DLG1: variants seen among roughly 807,000 people sequenced by gnomAD.
DLG1 encodes discs large MAGUK scaffold protein 1, also known as disks large homolog 1.
Under a neutral mutation model 123.4 loss-of-function variants are expected in DLG1, and 42 were observed. The ratio of observed to expected loss-of-function variants is 0.34; its 90% CI spans 0.27 to 0.44. The LOEUF (loss-of-function observed/expected upper bound fraction) is 0.44, where lower values mean the gene tolerates loss of function less well. Ranked by LOEUF, DLG1 falls within the 20% of genes least tolerant of loss-of-function variation. The probability of loss-of-function intolerance (pLI) is 1.00; values close to 1 mark genes in which losing one functional copy is unlikely to be tolerated. For synonymous variants in DLG1, 317 were observed against 356.2 expected (o/e 0.89, Z 1.24); for missense variants, 942 against 1,082.6 (o/e 0.87, Z 1.82).
chr3:197,205,478 A>G (rs1205865233), intron 4 of DLG1, among the ~76,000 whole-genome samples: 1 of 152,214 alleles, frequency 6.6e-6, no homozygotes, highest in Admixed American at 6.5e-5. Flanking sequence ...CAGAATAGGT[A>G]AATATCAAAA....
chr3:197,296,561 A>G, intron 2 of DLG1, 84 bp from the exon 3 acceptor site: 6 of 1,286,944 alleles, frequency 4.7e-6, no homozygotes, highest in South Asian at 1.3e-5. Context: ...TCTGCATGAC[A>G]TCTAAATAGT....
At chr3:197,131,643 G>C (rs1325642977) in intron 10 of DLG1, among the ~76,000 whole-genome samples, 1 of 131,862 alleles carries the variant, frequency 7.6e-6, no homozygotes, top group South Asian at 2.4e-4. Flanking sequence ...GCCCAGGCTG[G>C]AGTGCAGTGG....
At position 197,065,446 on chromosome 3, in the gene DLG1, T is replaced by A; in HGVS notation, c.2203A>T (p.Thr735Ser). The A allele has an allele frequency of 1.3e-6, 2 of 1,581,216 alleles. No homozygotes were observed. The highest frequency in any genetic ancestry group is 1.4e-5 in the African/African-American group (1 of 72,868). The change falls in exon 22 of 25, where the codon ACA becomes TCA. Residue 735 changes from threonine (T) to serine (S), a missense_variant and splice_region_variant. By Grantham distance (58) the Thr-to-Ser change is moderately conservative (BLOSUM62 1). Coordinates refer to ENST00000667157, the MANE Select transcript of DLG1 (RefSeq NM_001366207.1). ...TCATAATCTCGTTTTGGTCTAGTTG[T>A]ATCTTTAACAGAAAAAAACTTGGGA... ...PDKFGSCVPH[T>S]TRPKRDYEVD...
intron 4 of DLG1, among the ~76,000 whole-genome samples, chr3:197,227,795 A>G (rs1740763303): frequency 6.6e-6 from 1 of 152,206 alleles, no homozygotes; most frequent in Non-Finnish European, 1.5e-5. Flanking sequence ...ACTAGGTTAC[A>G]TTTCTAAAAC....
intron 5 of DLG1, among the ~76,000 whole-genome samples, chr3:197,168,314 G>A (rs1053676871): frequency 4.6e-5 from 7 of 152,172 alleles, no homozygotes; most frequent in South Asian, 2.1e-4. Flanking sequence ...AGTCAACGAC[G>A]CATCAACACA....
chr3:197,285,400 T>G, intron 3 of DLG1, among the ~76,000 whole-genome samples: 1 of 151,828 alleles, frequency 6.6e-6, no homozygotes, highest in Non-Finnish European at 1.5e-5. Flanking sequence ...TGTAATAATT[T>G]AACATAATAC....
At chr3:197,215,278 T>C (rs543447390) in intron 4 of DLG1, among the ~76,000 whole-genome samples, 27 of 152,270 alleles carry the variant, frequency 1.8e-4, no homozygotes, top group African/African-American at 6.3e-4. Context: ...AAGGACATTA[T>C]ATATCATGGG....
intron 13 of DLG1, among the ~76,000 whole-genome samples, chr3:197,112,207 G>T (rs1321466106): frequency 1.3e-5 from 2 of 152,118 alleles, no homozygotes; most frequent in African/African-American, 2.4e-5. Flanking sequence ...ACGACTTCAA[G>T]AATACCTATT....
intron 4 of DLG1, among the ~76,000 whole-genome samples, chr3:197,263,386 A>G (rs1342817164): frequency 6.6e-6 from 1 of 152,154 alleles, no homozygotes; most frequent in Non-Finnish European, 1.5e-5. Flanking sequence ...CCTCTTTTGT[A>G]AAATAAAAAA....
intron 22 of DLG1, among the ~76,000 whole-genome samples, chr3:197,061,901 C>T (rs1020119002): frequency 9.2e-5 from 14 of 152,124 alleles, no homozygotes; most frequent in Admixed American, 2.6e-4. Flanking sequence ...TGGGGGAGGA[C>T]ACTTTGAGAC....
At chr3:197,060,701 C>T (rs758355742) in intron 22 of DLG1, among the ~76,000 whole-genome samples, 1 of 152,188 alleles carries the variant, frequency 6.6e-6, no homozygotes, top group Non-Finnish European at 1.5e-5. Flanking sequence ...AACTCACTGA[C>T]AAAGGATACT....
At chr3:197,268,196 G>C (rs1256949626) in intron 4 of DLG1, among the ~76,000 whole-genome samples, 1 of 152,118 alleles carries the variant, frequency 6.6e-6, no homozygotes, top group Admixed American at 6.5e-5. Flanking sequence ...GAGCAATCAA[G>C]ATTATTTAAA....
At chr3:197,155,813 T>C (rs77581347) in intron 5 of DLG1, among the ~76,000 whole-genome samples, 62 of 152,192 alleles carry the variant, frequency 4.1e-4, no homozygotes, top group Non-Finnish European at 7.9e-4. Context: ...CCAGGTGTGG[T>C]AGGCACATGC....
At chr3:197,192,209 A>G (rs1719975734) in intron 5 of DLG1, among the ~76,000 whole-genome samples, 1 of 152,154 alleles carries the variant, frequency 6.6e-6, no homozygotes, top group East Asian at 1.9e-4. Flanking sequence ...TGGAAGGAAT[A>G]GTCTCTAATG....
intron 14 of DLG1, among the ~76,000 whole-genome samples, chr3:197,100,907 C>T (rs766808657): frequency 1.3e-5 from 2 of 152,082 alleles, no homozygotes; most frequent in African/African-American, 4.8e-5. Context: ...AAACTTTATC[C>T]CCCATCTCTT....
intron 5 of DLG1, among the ~76,000 whole-genome samples, chr3:197,192,764 A>G (rs1720327452): frequency 6.6e-6 from 1 of 152,174 alleles, no homozygotes; most frequent in African/African-American, 2.4e-5. Flanking sequence ...GGTGGCAAAC[A>G]GGGCAGGGAC....
At chr3:197,077,595 C>G (rs1748132117) in intron 17 of DLG1, among the ~76,000 whole-genome samples, 1 of 152,192 alleles carries the variant, frequency 6.6e-6, no homozygotes, top group Non-Finnish European at 1.5e-5. Flanking sequence ...ACCAAAGCCA[C>G]AAGGCAATTA....
At chr3:197,152,761 T>TC (rs1391897558) in intron 5 of DLG1, among the ~76,000 whole-genome samples, 4 of 40,934 alleles carry the variant, frequency 9.8e-5, no homozygotes, top group African/African-American at 4.1e-4. Context: ...AGACTCTGTC[T>TC]CAAAAAAAAA....
At chr3:197,062,383 T>C (rs573954876) in intron 22 of DLG1, among the ~76,000 whole-genome samples, 8 of 152,216 alleles carry the variant, frequency 5.3e-5, no homozygotes, top group Non-Finnish European at 1.0e-4. Flanking sequence ...ATGCATCACT[T>C]TTGCGCCTCT....
Sources: gnomAD v4.1 joint callset for allele counts (sites outside exome capture counted in the v4.1 genomes callset) on GRCh38, gnomAD v4.1.1 for gene constraint, MANE v1.5 for transcripts, NCBI Gene and HGNC (gene_info 2026-07-23, HGNC 2026-07-21) for gene names.